RHBDF2: variants seen among roughly 807,000 people sequenced by gnomAD.
RHBDF2 encodes the protein inactive rhomboid protein 2.
RHBDF2 carries 38 observed loss-of-function variants against 95.2 expected under a neutral mutation model. That is an observed-to-expected ratio of 0.40 (90% CI 0.31 to 0.52). RHBDF2 has a LOEUF of 0.52. Ranked by LOEUF, RHBDF2 falls within the 20% of genes least tolerant of loss-of-function variation. RHBDF2 has a pLI of 0.56. For missense variants in RHBDF2, 863 were observed against 1,137.7 expected (o/e 0.76, Z 3.47); for synonymous variants, 442 against 462.0 (o/e 0.96, Z 0.55).
Position 76,477,352 on chromosome 17 carries a change from C to T in RHBDF2, c.802-54G>A, listed in dbSNP as rs1297425447. 6 of 1,573,552 alleles carry T rather than the reference C, an allele frequency of 3.8e-6. No individual in the cohort carries two copies. The South Asian group carries it at 7.1e-5, about 18-fold the overall frequency. On this transcript the variant is annotated intron_variant, in intron 7 of 18. Coordinates refer to ENST00000675367, the MANE Select transcript of RHBDF2 (RefSeq NM_001005498.4). ...TAAGGAGTCTGTCCCAAACACTGCCCCCCGGAACCTCAATTCAAGGGCAGG... is the reference window on the plus strand; with the variant it reads ...TAAGGAGTCTGTCCCAAACACTGCCTCCCGGAACCTCAATTCAAGGGCAGG...
Position 76,487,905 on chromosome 17 carries a change from C to A in RHBDF2, c.-215G>T. ...CACACGGTGCAGCTTCCTGGGTACT[C>A]ACAGCTGGAAGAAAGGAGGGCCGGC... On this transcript the variant is annotated 5_prime_UTR_variant, in exon 2 of 19. Coordinates refer to ENST00000675367, the MANE Select transcript of RHBDF2 (RefSeq NM_001005498.4). 1 of 152,478 alleles carries A rather than the reference C, an allele frequency of 6.6e-6. No homozygotes were observed. The highest frequency in any genetic ancestry group is 1.5e-5 in the Non-Finnish European group (1 of 68,146). The allele number at this position is 152,478 out of a possible 1,614,324, so 9.4% of individuals were successfully genotyped here.
rs1352246128 is a variant in RHBDF2, at chr17:76,477,646, C to G, written c.801+11G>C. ...CCACCCAACTCCTGCTGTCCCACAC[C>G]CCATGCTTGCCTTACTAAAAAAGGA... On this transcript the variant is annotated intron_variant, in intron 7 of 18. Transcript: ENST00000675367. The G allele has an allele frequency of 6.2e-7, 1 of 1,613,672 alleles. No homozygotes were observed. Among genetic ancestry groups the G allele is most frequent in the African/African-American group, 1.3e-5 (1 of 74,936 alleles).
intron 16 of RHBDF2, 47 bp from the exon 17 acceptor site, chr17:76,473,152 C>A (rs1477814230): frequency 1.3e-6 from 2 of 1,595,788 alleles, no homozygotes; most frequent in Non-Finnish European, 1.7e-6. Flanking sequence ...CAGGCTGAGT[C>A]TGAGGCTCCG....
At chr17:76,498,858 CTG>C (rs1333634366) in intron 1 of RHBDF2, among the ~76,000 whole-genome samples, 1 of 127,976 alleles carries the variant, frequency 7.8e-6, no homozygotes, top group Non-Finnish European at 1.8e-5. Flanking sequence ...GTGTGTGTCT[CTG>C]TGTGTCTGTT....
At chr17:76,478,049 C>A (rs1384949417) in intron 6 of RHBDF2, among the ~76,000 whole-genome samples, 19 of 152,186 alleles carry the variant, frequency 1.2e-4, no homozygotes, top group Non-Finnish European at 1.5e-5. Flanking sequence ...TCCCTGCTGC[C>A]CCTCTGCCTT....
rs537640474 is a variant in RHBDF2 at position 76,498,471 on chromosome 17, C to T, written c.-220+2882G>A. Among the ~76,000 whole-genome samples, 14 of 152,336 alleles carry T rather than the reference C, an allele frequency of 9.2e-5. No homozygotes were observed. In the South Asian group the frequency reaches 1.7e-3, roughly 18 times the overall value. On this transcript the variant is annotated intron_variant, in intron 1 of 18. Coordinates refer to ENST00000675367, the MANE Select transcript of RHBDF2 (RefSeq NM_001005498.4). ...ACACGTCTTCCCTGTGCTGTGCCAGCGGCAGGCGGGGGCCAGGCCCAAAGG... is the reference window on the plus strand; with the variant it reads ...ACACGTCTTCCCTGTGCTGTGCCAGTGGCAGGCGGGGGCCAGGCCCAAAGG...
At chr17:76,490,194 G>A (rs567912183) in intron 1 of RHBDF2, among the ~76,000 whole-genome samples, 5 of 152,298 alleles carry the variant, frequency 3.3e-5, no homozygotes, top group East Asian at 1.9e-4. Context: ...ATCTTGAGGC[G>A]GAGCTAGGAT....
chr17:76,497,040 C>T (rs938264074), intron 1 of RHBDF2, among the ~76,000 whole-genome samples: 21 of 152,126 alleles, frequency 1.4e-4, no homozygotes, highest in African/African-American at 4.6e-4. Flanking sequence ...GGATTACAGG[C>T]GTGAGCCACC....
intron 1 of RHBDF2, among the ~76,000 whole-genome samples, chr17:76,493,940 G>A (rs570559929): frequency 1.3e-4 from 20 of 152,338 alleles, no homozygotes; most frequent in African/African-American, 4.3e-4. Flanking sequence ...GCAGCTTCAG[G>A]GGACTGACCA....
chr17:76,472,633 C>T, intron 18 of RHBDF2, 53 bp downstream of exon 18: 1 of 1,610,324 alleles, frequency 6.2e-7, no homozygotes, highest in African/African-American at 1.3e-5. Flanking sequence ...GGAATAGGAG[C>T]AGCAGGGCTG....
intron 18 of RHBDF2, 66 bp downstream of exon 18, chr17:76,472,620 G>A: frequency 6.2e-7 from 1 of 1,601,066 alleles, no homozygotes; most frequent in Non-Finnish European, 8.6e-7. Flanking sequence ...ATCCCAGGTG[G>A]GTGGAATAGG....
intron 2 of RHBDF2, among the ~76,000 whole-genome samples, chr17:76,484,545 C>A (rs1392960863): frequency 6.6e-6 from 1 of 150,948 alleles, no homozygotes; most frequent in African/African-American, 2.4e-5. Flanking sequence ...GAGGCTCACT[C>A]CACTCTCTCA....
chr17:76,473,567 G>A (rs1401905321), intron 15 of RHBDF2, 81 bp downstream of exon 15: 54 of 1,225,230 alleles, frequency 4.4e-5, no homozygotes, highest in African/African-American at 3.0e-5. Context: ...GGGTGGTGAC[G>A]GTGGAGGAGC....
At chr17:76,498,513 G>A (rs867130146) in intron 1 of RHBDF2, among the ~76,000 whole-genome samples, 13 of 152,224 alleles carry the variant, frequency 8.5e-5, no homozygotes. Context: ...CCAGCCAGCT[G>A]AGCCATGCCA....
At chr17:76,491,886 AC>A (rs2074311016) in intron 1 of RHBDF2, among the ~76,000 whole-genome samples, 1 of 152,090 alleles carries the variant, frequency 6.6e-6, no homozygotes, top group Non-Finnish European at 1.5e-5. Flanking sequence ...AGCTGGAGCT[AC>A]CCCACCCAGC....
intron 18 of RHBDF2, 133 bp from the exon 19 acceptor site, chr17:76,472,185 G>T (rs893051747): frequency 5.0e-5 from 42 of 843,732 alleles, no homozygotes; most frequent in Non-Finnish European, 6.8e-5. Context: ...GGGGCAGGGG[G>T]TCGGCTGGAG....
In RHBDF2 at chr17:76,481,583, G is replaced by C. The variant is rs1025295885; in HGVS notation, c.-21-38C>G. On this transcript the variant is annotated intron_variant, in intron 2 of 18. Transcript: ENST00000675367. The stretch of plus-strand genomic sequence containing the variant: ...CCGGGAGAGCAGCGGTGGGCGGTGC[G>C]GGGTGGCGCAGTGTCAGGACCCTGA... 5.8e-6 allele frequency: 9 copies of C among 1,555,130 alleles called. No individual in the cohort carries two copies. The Admixed American group carries it at 7.2e-5, about 12-fold the overall frequency.
chr17:76,472,620 G>C, intron 18 of RHBDF2, 66 bp downstream of exon 18: 1 of 1,601,066 alleles, frequency 6.2e-7, no homozygotes, highest in East Asian at 2.2e-5. Flanking sequence ...ATCCCAGGTG[G>C]GTGGAATAGG....
At position 76,471,436 on chromosome 17, in the gene RHBDF2, G is replaced by A. The variant is rs1015403214; in HGVS notation, c.*197C>T. 9.9e-6 allele frequency: 6 copies of A among 607,506 alleles called. No individual in the cohort carries two copies. The highest frequency in any genetic ancestry group is 2.8e-5 in the East Asian group (1 of 35,350). The allele number at this position is 607,506 out of a possible 1,614,324, so 37.6% of individuals were successfully genotyped here. ...TGGGTCAGGATCTCACAGGCCTCAC[G>A]CCCCAGAAAAACCCCGCCTTAACCA... On this transcript the variant is annotated 3_prime_UTR_variant, in exon 19 of 19. Coordinates refer to ENST00000675367, the MANE Select transcript of RHBDF2 (RefSeq NM_001005498.4).
Sources: allele counts gnomAD v4.1 joint callset (sites outside exome capture counted in the v4.1 genomes callset), GRCh38; gene constraint gnomAD v4.1.1; transcripts MANE v1.5; gene names NCBI Gene and HGNC (gene_info 2026-07-23, HGNC 2026-07-21).